SEMA3A: variants seen among roughly 807,000 people sequenced by gnomAD.
The protein encoded by SEMA3A is semaphorin 3A.
SEMA3A carries 29 observed loss-of-function variants against 97.9 expected under a neutral mutation model. The observed-to-expected ratio is 0.30, with a 90% CI of 0.22 to 0.40. SEMA3A has a LOEUF of 0.40. Ranked by LOEUF, SEMA3A falls within the 10% of genes least tolerant of loss-of-function variation. SEMA3A has a pLI of 1.00. For synonymous variants in SEMA3A, 321 were observed against 323.7 expected (o/e 0.99, Z 0.09); for missense variants, 763 against 951.3 (o/e 0.80, Z 2.60).
chr7:84,135,803 T>C (rs1260943296), intron 1 of SEMA3A, among the ~76,000 whole-genome samples: 1 of 152,172 alleles, frequency 6.6e-6, no homozygotes. Flanking sequence ...GGAGCTGATA[T>C]ATAGAGAGAA....
chr7:84,222,531 G>A (rs2116339351), intron 3 of SEMA3A, among the ~76,000 whole-genome samples: 1 of 151,958 alleles, frequency 6.6e-6, no homozygotes, highest in African/African-American at 2.4e-5. Flanking sequence ...TGGCATAACT[G>A]TTTGCTTGGA....
Position 84,283,603 on chromosome 7 carries a change from A to C in SEMA3A, c.-83+23604T>G, listed in dbSNP as rs538681918. On this transcript the variant is annotated intron_variant, in intron 3 of 3. Transcript: ENST00000424555. Reference sequence around the variant, plus strand: ...AAGAGGATATTAACAAAAATGGCATAATAGAAACAAAGTATCAAACTAGCT... The same window carrying C: ...AAGAGGATATTAACAAAAATGGCATCATAGAAACAAAGTATCAAACTAGCT... 9.9e-5 allele frequency among the ~76,000 whole-genome samples: 15 copies of C among 152,260 alleles called. No homozygotes were observed. The East Asian group carries it at 2.9e-3, about 29-fold the overall frequency.
intron 4 of SEMA3A, among the ~76,000 whole-genome samples, chr7:84,103,263 T>A (rs3801622): frequency 6.6e-6 from 1 of 151,828 alleles, no homozygotes; most frequent in Non-Finnish European, 1.5e-5. Flanking sequence ...CTTACTTTGG[T>A]CCTTAGTTGG....
At chr7:84,319,000 T>C (rs918306130) in intron 2 of SEMA3A, among the ~76,000 whole-genome samples, 6 of 152,182 alleles carry the variant, frequency 3.9e-5, no homozygotes, top group Non-Finnish European at 5.9e-5. Context: ...GAGGTAAGAA[T>C]AACAGCAGCT....
intron 6 of SEMA3A, among the ~76,000 whole-genome samples, chr7:84,021,074 G>T (rs1176786475): frequency 2.0e-5 from 3 of 152,116 alleles, no homozygotes. Context: ...CACGATTTTG[G>T]CTCCCAAGTT....
intron 1 of SEMA3A, among the ~76,000 whole-genome samples, chr7:84,175,615 T>C (rs959255553): frequency 6.6e-6 from 1 of 152,178 alleles, no homozygotes; most frequent in Non-Finnish European, 1.5e-5. Flanking sequence ...TGTAAACAAG[T>C]TCCATTTCCT....
Position 84,046,366 on chromosome 7 carries a change from G to T in SEMA3A, c.625C>A (p.His209Asn). The T allele has an allele frequency of 6.2e-7, 1 of 1,613,258 alleles. No individual in the cohort carries two copies. Among genetic ancestry groups the T allele is most frequent in the Non-Finnish European group, 8.5e-7 (1 of 1,179,426 alleles). ...TCATGCTGCTCTGTCCTGATTGGGT[G>T]GTGGTGCCCAAGAGTTCGGAAGATA... is the stretch of plus-strand genomic sequence containing the variant. The part of the protein sequence containing the change: ...FAIFRTLGHH[H>N]PIRTEQHDSR... Residue 209 changes from histidine (H) to asparagine (N), a missense_variant, in exon 6 of 17, where the codon CAC becomes AAC. By Grantham distance (68) the His-to-Asn change is moderately conservative. Transcript: ENST00000265362.
intron 4 of SEMA3A, among the ~76,000 whole-genome samples, chr7:84,069,842 C>A (rs1424462694): frequency 6.6e-6 from 1 of 152,048 alleles, no homozygotes; most frequent in Non-Finnish European, 1.5e-5. Flanking sequence ...TTTCTGTTAT[C>A]TAATGAGCAA....
chr7:84,192,701 T>G (rs1375275957), intron 1 of SEMA3A, among the ~76,000 whole-genome samples: 1 of 151,942 alleles, frequency 6.6e-6, no homozygotes, highest in Non-Finnish European at 1.5e-5. Context: ...GAAATAAAAT[T>G]CTTGCAAAAT....
rs1242674348 is a variant in SEMA3A at position 84,338,005 on chromosome 7, C to T, written c.-168-30713G>A. On this transcript the variant is annotated intron_variant, in intron 2 of 3. Transcript: ENST00000424555. ...AGGTCTGACAAAAGCTTTATGTTAT[C>T]CACAGTTTAACAAAAGCCTACACAT... Among the ~76,000 whole-genome samples, 4 of 152,028 alleles carry T rather than the reference C, an allele frequency of 2.6e-5. No individual in the cohort carries two copies. The Middle Eastern group carries it at 0.01, about 390-fold the overall frequency.
At chr7:83,985,084 A>T (rs767498089) in intron 13 of SEMA3A, among the ~76,000 whole-genome samples, 1 of 152,088 alleles carries the variant, frequency 6.6e-6, no homozygotes, top group Non-Finnish European at 1.5e-5. Context: ...TCACAATGCT[A>T]TTTCAGGGTA....
chr7:84,068,576 C>T lies in SEMA3A; in HGVS notation c.454-8018G>A, dbSNP rs149401528. ...TTACAGACTAAAAGAAGCAGCAGAA[C>T]GAAGTGGTAGTGTGGTAGAAATTAT... On this transcript the variant is annotated intron_variant, in intron 4 of 16. Coordinates refer to ENST00000265362, the MANE Select transcript of SEMA3A (RefSeq NM_006080.3). Among the ~76,000 whole-genome samples the T allele has an allele frequency of 5.9e-3, 903 of 152,010 alleles. 5 individuals carry two copies. The highest frequency in any genetic ancestry group is 0.031 in the Middle Eastern group (9 of 294).
At chr7:84,300,969 T>C (rs1026648615) in intron 3 of SEMA3A, among the ~76,000 whole-genome samples, 1 of 152,134 alleles carries the variant, frequency 6.6e-6, no homozygotes, top group Non-Finnish European at 1.5e-5. Flanking sequence ...TCAGAGTATG[T>C]TCTCTGACCA....
rs530333943 is a variant in SEMA3A at position 84,329,885 on chromosome 7, C to T, written c.-168-22593G>A. Among the ~76,000 whole-genome samples the T allele has an allele frequency of 2.6e-5, 4 of 152,072 alleles. No individual in the cohort carries two copies. In the East Asian group the frequency reaches 7.7e-4, roughly 29 times the overall value. ...CTCTGGCCTTGAAATAAATTACAGT[C>T]CCACACTGCAAAATTTTATGGTATT... On this transcript the variant is annotated intron_variant, in intron 2 of 3. Transcript: ENST00000424555.
chr7:84,273,515 T>G (rs1800206885), intron 3 of SEMA3A, among the ~76,000 whole-genome samples: 1 of 152,110 alleles, frequency 6.6e-6, no homozygotes, highest in African/African-American at 2.4e-5. Context: ...AGCACACACG[T>G]TTTCCTACGT....
At chr7:84,256,552 T>C (rs796589490) in intron 3 of SEMA3A, among the ~76,000 whole-genome samples, 4 of 152,198 alleles carry the variant, frequency 2.6e-5, no homozygotes, top group African/African-American at 9.6e-5. Flanking sequence ...ATAAAAATGA[T>C]GTGATATACT....
intron 1 of SEMA3A, among the ~76,000 whole-genome samples, chr7:84,425,840 A>G (rs1055876149): frequency 4.8e-5 from 5 of 104,124 alleles, no homozygotes; most frequent in African/African-American, 1.8e-4. Flanking sequence ...TATATAATAT[A>G]TAATGTTTAT....
At chr7:84,286,999 A>T (rs1007791561) in intron 3 of SEMA3A, among the ~76,000 whole-genome samples, 2 of 152,144 alleles carry the variant, frequency 1.3e-5, no homozygotes, top group South Asian at 4.1e-4. Context: ...TATAACATGC[A>T]CACAGAACAA....
In SEMA3A at chr7:84,005,394, G is replaced by A. The variant is rs771477479; in HGVS notation, c.1305C>T (p.Val435=). The part of the protein sequence containing the change: ...TDVNYQFTQI[V]VDRVDAEDGQ... ...CATCTTCTGCATCCACTCGGTCTAC[G>A]ACAATTTGTGTAAATTGATAATTTA... Residue 435 remains valine (V), a synonymous_variant, in exon 11 of 17, where the codon GTC becomes GTT. Transcript: ENST00000265362. 4.3e-6 allele frequency: 7 copies of A among 1,613,542 alleles called. No homozygotes were observed. Among genetic ancestry groups the A allele is most frequent in the South Asian group, 1.1e-5 (1 of 91,044 alleles).
Sources: gnomAD v4.1 joint callset for allele counts (sites outside exome capture counted in the v4.1 genomes callset) on GRCh38, gnomAD v4.1.1 for gene constraint, MANE v1.5 for transcripts, NCBI Gene and HGNC (gene_info 2026-07-23, HGNC 2026-07-21) for gene names.